The following GAB1 variants were observed in gnomAD, a reference collection of about 807,000 sequenced individuals.
The protein encoded by GAB1 is GRB2-associated-binding protein 1.
A neutral mutation model predicts 66.5 loss-of-function variants in GAB1; 19 were observed. The ratio of observed to expected loss-of-function variants is 0.29; its 90% CI spans 0.20 to 0.42. GAB1 has a LOEUF of 0.42. GAB1 is among the 10% of genes least tolerant of loss of function. GAB1 has a pLI of 1.00. For synonymous variants in GAB1, 294 were observed against 301.4 expected, an observed-to-expected ratio of 0.98 and a Z score of 0.25; for missense variants, 732 against 858.5, an observed-to-expected ratio of 0.85 and a Z score of 1.84.
At chr4:143,441,060 T>TG (rs1261907611) in intron 6 of GAB1, among the ~76,000 whole-genome samples, 1 of 152,224 alleles carries the variant, frequency 6.6e-6, no homozygotes, top group African/African-American at 2.4e-5. Context: ...TTGCCTTTGC[T>TG]GGGGTAATAC....
At chr4:143,458,953 A>G (rs1044061151) in intron 6 of GAB1, among the ~76,000 whole-genome samples, 6 of 152,066 alleles carry the variant, frequency 3.9e-5, no homozygotes, top group Non-Finnish European at 5.9e-5. Context: ...ATATATAGTT[A>G]TATACTCCAA....
At chr4:143,424,386 T>G (rs775946562) in intron 2 of GAB1, among the ~76,000 whole-genome samples, 7 of 152,218 alleles carry the variant, frequency 4.6e-5, no homozygotes, top group Non-Finnish European at 1.0e-4. Context: ...ATATTTTTCT[T>G]AAGCTCTTCT....
At chr4:143,424,746 G>A (rs1320926574) in intron 2 of GAB1, 1 of 201,894 alleles carries the variant, frequency 5.0e-6, no homozygotes, top group African/African-American at 2.4e-5. Context: ...CACTAAGTCA[G>A]GAGATTGAGA....
chr4:143,459,128 A>C (rs1042925422), intron 6 of GAB1, among the ~76,000 whole-genome samples: 1 of 152,126 alleles, frequency 6.6e-6, no homozygotes, highest in African/African-American at 2.4e-5. Context: ...ATATGCACTT[A>C]GGCAACATGT....
chr4:143,379,075 T>C (rs1730548489), intron 1 of GAB1, among the ~76,000 whole-genome samples: 1 of 152,164 alleles, frequency 6.6e-6, no homozygotes, highest in Admixed American at 6.5e-5. Flanking sequence ...GGGGACTCAG[T>C]GGCCATTGCA....
intron 1 of GAB1, among the ~76,000 whole-genome samples, chr4:143,359,781 C>T (rs922012438): frequency 6.6e-6 from 1 of 152,174 alleles, no homozygotes; most frequent in Admixed American, 6.5e-5. Flanking sequence ...TCAGGGGTTG[C>T]CAGTGGCAAA....
intron 1 of GAB1, among the ~76,000 whole-genome samples, chr4:143,363,678 A>G (rs748960062): frequency 1.8e-4 from 28 of 152,196 alleles, no homozygotes; most frequent in Non-Finnish European, 4.4e-5. Flanking sequence ...TGAGTATGCC[A>G]TGAGGTGCGG....
intron 1 of GAB1, among the ~76,000 whole-genome samples, chr4:143,413,399 ATTAT>A (rs1174719866): frequency 6.6e-6 from 1 of 152,312 alleles, no homozygotes; most frequent in Admixed American, 6.5e-5. Context: ...ACTTTTCAAT[ATTAT>A]CTAAAACATC....
chr4:143,359,589 G>T (rs1729582510), intron 1 of GAB1, among the ~76,000 whole-genome samples: 1 of 152,164 alleles, frequency 6.6e-6, no homozygotes, highest in South Asian at 2.1e-4. Context: ...ATGAAAAGTT[G>T]TGCCTTATCC....
At chr4:143,461,458 C>G (rs774420024) in intron 8 of GAB1, among the ~76,000 whole-genome samples, 23 of 152,078 alleles carry the variant, frequency 1.5e-4, no homozygotes, top group Admixed American at 9.8e-4. Flanking sequence ...AGATGATGCT[C>G]CAGCCAGCAG....
chr4:143,449,411 T>A (rs1380551073), intron 6 of GAB1, among the ~76,000 whole-genome samples: 5 of 151,812 alleles, frequency 3.3e-5, no homozygotes, highest in Admixed American at 1.3e-4. Context: ...CCCATTATTA[T>A]TGTGTGGGAG....
intron 1 of GAB1, among the ~76,000 whole-genome samples, chr4:143,354,851 G>A (rs1473434733): frequency 6.6e-6 from 1 of 152,062 alleles, no homozygotes; most frequent in African/African-American, 2.4e-5. Context: ...TAGCTTTTAT[G>A]CACAATACAT....
chr4:143,353,186 TTAAAG>T (rs1241318855), intron 1 of GAB1, among the ~76,000 whole-genome samples: 1 of 152,222 alleles, frequency 6.6e-6, no homozygotes, highest in Non-Finnish European at 1.5e-5. Flanking sequence ...AAGCATATTA[TTAAAG>T]TATTGTCTAG....
chr4:143,364,445 A>G (rs1729787168), intron 1 of GAB1, among the ~76,000 whole-genome samples: 1 of 152,224 alleles, frequency 6.6e-6, no homozygotes, highest in Admixed American at 6.5e-5. Flanking sequence ...GAGAACTTCT[A>G]GAGTACACAG....
chr4:143,468,731 C>G (rs1222203038), intron 9 of GAB1, among the ~76,000 whole-genome samples: 3 of 151,708 alleles, frequency 2.0e-5, no homozygotes, highest in African/African-American at 7.3e-5. Context: ...TGAGACCAGC[C>G]TGACCAATAT....
At position 143,433,806 on chromosome 4, in the gene GAB1, C is replaced by T. The variant is rs534431368; in HGVS notation, c.593+90C>T. 814 of 1,060,242 alleles carry T rather than the reference C, an allele frequency of 7.7e-4. 3 individuals carry two copies. The highest frequency in any genetic ancestry group is 4.7e-3 in the Middle Eastern group (23 of 4,898). 65.7% of individuals were successfully genotyped at this position (1,060,242 alleles called of 1,614,324 possible). On this transcript the variant is annotated intron_variant, in intron 3 of 9. Transcript: ENST00000262994. ...TCTTACCTTTAAACTTTTTAAATTT[C>T]GATTTGCAGGCTTGAAAGAGACCAT...
chr4:143,345,751 A>G (rs542644284), intron 1 of GAB1, among the ~76,000 whole-genome samples: 1 of 152,342 alleles, frequency 6.6e-6, no homozygotes, highest in East Asian at 1.9e-4. Context: ...GTTATTTATC[A>G]TTATTGCCTA....
intron 2 of GAB1, among the ~76,000 whole-genome samples, chr4:143,427,557 C>A (rs1578699360): frequency 6.6e-6 from 1 of 151,678 alleles, no homozygotes; most frequent in South Asian, 2.1e-4. Flanking sequence ...ACAACAACAA[C>A]AACAAAACCT....
chr4:143,441,209 T>C (rs986132034), intron 6 of GAB1, among the ~76,000 whole-genome samples: 21 of 152,208 alleles, frequency 1.4e-4, no homozygotes, highest in Non-Finnish European at 2.6e-4. Flanking sequence ...GTTTTTTAAA[T>C]TGGGGTTTAA....
Sources: gnomAD v4.1 joint callset for allele counts (sites outside exome capture counted in the v4.1 genomes callset) on GRCh38, gnomAD v4.1.1 for gene constraint, MANE v1.5 for transcripts, NCBI Gene and HGNC (gene_info 2026-07-23, HGNC 2026-07-21) for gene names.